The following CDH13 variants were observed in gnomAD, a reference collection of about 807,000 sequenced individuals.
CDH13 encodes cadherin-13.
CDH13 carries 24 observed loss-of-function variants against 63.8 expected under a neutral mutation model. The observed-to-expected ratio is 0.38, with a 90% confidence interval of 0.27 to 0.53. The LOEUF (loss-of-function observed/expected upper bound fraction) is 0.53, where lower values mean the gene tolerates loss of function less well. Among genes scored for constraint, CDH13 ranks in the 20% least tolerant of loss-of-function variants. The pLI is 0.85. For synonymous variants in CDH13, 503 were observed against 355.3 expected (o/e 1.42, Z -4.67); for missense variants, 1,049 against 903.1 (o/e 1.16, Z -2.07).
At chr16:83,434,249 A>C (rs549735693) in intron 6 of CDH13, among the ~76,000 whole-genome samples, 1 of 152,324 alleles carries the variant, frequency 6.6e-6, no homozygotes, top group South Asian at 2.1e-4. Context: ...AGGTCATGGT[A>C]CAACATGGGA....
rs10525181 is a variant in CDH13 at position 83,356,212 on chromosome 16, A to ATGTGTGTG, written c.781+11252_781+11259dup. 4.3e-3 allele frequency among the ~76,000 whole-genome samples: 591 copies of ATGTGTGTG among 138,710 alleles called. 5 individuals are homozygous for ATGTGTGTG. The highest frequency in any genetic ancestry group is 0.035 in the East Asian group (135 of 3,858). 91.0% of individuals were successfully genotyped at this position (138,710 alleles called of 152,430 possible). A position where few individuals can be genotyped will look rare whatever the true frequency, so the allele number is the denominator to read the frequency against. ...CAGATGAGTGAGTTTATTTATTTTC[A>ATGTGTGTG]TGTGTGTGTGTGTGTGTGTGTGTGT... On this transcript the variant is annotated intron_variant, in intron 6 of 13. Transcript: ENST00000567109.
chr16:83,328,979 C>G (rs1165438708), intron 5 of CDH13, among the ~76,000 whole-genome samples: 1 of 152,078 alleles, frequency 6.6e-6, no homozygotes, highest in African/African-American at 2.4e-5. Flanking sequence ...AAACCTATGC[C>G]TAGGTAGTCA....
chr16:83,450,643 G>A (rs1043223586), intron 6 of CDH13, among the ~76,000 whole-genome samples: 3 of 152,196 alleles, frequency 2.0e-5, no homozygotes, highest in Admixed American at 6.5e-5. Context: ...GGCCAAGGCA[G>A]GCAGATCACG....
chr16:82,885,113 ACCCAACTGCACTTTTGC>A (rs759079170), intron 2 of CDH13, among the ~76,000 whole-genome samples: 12 of 152,142 alleles, frequency 7.9e-5, no homozygotes, highest in Non-Finnish European at 1.3e-4. Context: ...TCTACCTAGA[ACCCAACTGCACTTTTGC>A]AAGAGATGGA....
chr16:83,372,514 G>A (rs1175130223), intron 6 of CDH13, among the ~76,000 whole-genome samples: 4 of 152,036 alleles, frequency 2.6e-5, no homozygotes, highest in African/African-American at 4.8e-5. Flanking sequence ...AGCACTTTGG[G>A]AAGCTGAGGC....
chr16:82,727,170 G>A (rs182728140), intron 1 of CDH13, among the ~76,000 whole-genome samples: 5 of 152,210 alleles, frequency 3.3e-5, no homozygotes, highest in East Asian at 1.9e-4. Flanking sequence ...CAGAGCAGCC[G>A]TTACTGCATT....
intron 5 of CDH13, among the ~76,000 whole-genome samples, chr16:83,253,636 T>C (rs1278601038): frequency 6.6e-6 from 1 of 152,232 alleles, no homozygotes; most frequent in Non-Finnish European, 1.5e-5. Context: ...GTCATTTTGC[T>C]AGGGGTTGAC....
chr16:83,155,352 G>A (rs13339361), intron 4 of CDH13, among the ~76,000 whole-genome samples: 39,841 of 152,052 alleles, frequency 0.26, 5,812 homozygotes, highest in African/African-American at 0.4. Context: ...CCCTTAAATT[G>A]TCTGGACCTG....
rs933967295 is a variant in CDH13 at position 83,082,973 on chromosome 16, C to A, written c.367-42412C>A. Among the ~76,000 whole-genome samples the A allele has an allele frequency of 9.6e-5, 8 of 83,536 alleles. No homozygotes were observed. The Admixed American group carries it at 1.2e-3, about 13-fold the overall frequency. The allele number at this position is 83,536 out of a possible 152,430, so 54.8% of individuals were successfully genotyped here. A position where few individuals can be genotyped will look rare whatever the true frequency, so the allele number is the denominator to read the frequency against. ...AAACGGTGTCTTCCCTTTCAAGAGA[C>A]TTTTCTAGTAAGAATTTTTTTTAAT... On this transcript the variant is annotated intron_variant, in intron 3 of 13. Coordinates refer to ENST00000567109, the MANE Select transcript of CDH13 (RefSeq NM_001257.5).
chr16:82,888,559 A>C (rs1245427876), intron 2 of CDH13, among the ~76,000 whole-genome samples: 2 of 152,200 alleles, frequency 1.3e-5, no homozygotes, highest in African/African-American at 4.8e-5. Context: ...TCCATGCAGC[A>C]CTGCTCCAGG....
At chr16:83,366,052 A>G (rs1359414259) in intron 6 of CDH13, among the ~76,000 whole-genome samples, 1 of 152,138 alleles carries the variant, frequency 6.6e-6, no homozygotes, top group African/African-American at 2.4e-5. Flanking sequence ...ATTTATGATA[A>G]TTTTTTACAA....
chr16:83,745,371 C>T (rs553989362), intron 10 of CDH13, among the ~76,000 whole-genome samples: 1 of 152,236 alleles, frequency 6.6e-6, no homozygotes, highest in African/African-American at 2.4e-5. Context: ...AGGATTGATA[C>T]CAACCCAGAC....
intron 8 of CDH13, among the ~76,000 whole-genome samples, chr16:83,619,045 G>A (rs1212028348): frequency 1.3e-5 from 2 of 152,188 alleles, no homozygotes; most frequent in Non-Finnish European, 2.9e-5. Context: ...TTTATGAGAA[G>A]CGTCACCTTC....
intron 4 of CDH13, among the ~76,000 whole-genome samples, chr16:83,213,997 C>G (rs113547902): frequency 6.6e-6 from 1 of 152,060 alleles, no homozygotes; most frequent in Non-Finnish European, 1.5e-5. Context: ...GTGGGCCAAT[C>G]AGCACTCTGT....
intron 7 of CDH13, among the ~76,000 whole-genome samples, chr16:83,493,746 A>T (rs1437881787): frequency 6.6e-6 from 1 of 152,218 alleles, no homozygotes; most frequent in South Asian, 2.1e-4. Context: ...ATGGGAAACC[A>T]CCATTATTTA....
chr16:83,018,548 T>C (rs1390428384), intron 2 of CDH13, among the ~76,000 whole-genome samples: 1 of 152,218 alleles, frequency 6.6e-6, no homozygotes, highest in Non-Finnish European at 1.5e-5. Flanking sequence ...AGCACATTAT[T>C]TCACCCAGAA....
At chr16:83,602,392 C>T (rs8182125) in intron 7 of CDH13, 62 bp from the exon 8 acceptor site, 25 of 1,581,248 alleles carry the variant, frequency 1.6e-5, no homozygotes, top group Non-Finnish European at 2.1e-5. Flanking sequence ...CGCCTGCCAC[C>T]TTTCCAAAGC....
At chr16:83,745,632 C>T (rs956065404) in intron 10 of CDH13, among the ~76,000 whole-genome samples, 2 of 152,124 alleles carry the variant, frequency 1.3e-5, no homozygotes, top group African/African-American at 2.4e-5. Context: ...TATTCCCTGG[C>T]TCCCCTTCTC....
intron 8 of CDH13, among the ~76,000 whole-genome samples, chr16:83,628,895 T>G (rs1248046308): frequency 6.6e-6 from 1 of 152,254 alleles, no homozygotes; most frequent in Admixed American, 6.5e-5. Flanking sequence ...TTAATAATGC[T>G]TCTGGCTTTT....
Sources: gnomAD v4.1 joint callset for allele counts (sites outside exome capture counted in the v4.1 genomes callset) on GRCh38, gnomAD v4.1.1 for gene constraint, MANE v1.5 for transcripts, NCBI Gene and HGNC (gene_info 2026-07-23, HGNC 2026-07-21) for gene names.